Variants in P2RX4 observed in about 807,000 individuals in gnomAD.
P2RX4 encodes the protein P2X purinoceptor 4.
A neutral mutation model predicts 48.0 loss-of-function variants in P2RX4; 37 were observed. That is an observed-to-expected ratio of 0.77 (90% CI 0.59 to 1.01). P2RX4 has a LOEUF of 1.01. Ranked by LOEUF, P2RX4 falls within the 50% of genes least tolerant of loss-of-function variation. P2RX4 has a pLI of 0.00. For missense variants in P2RX4, 501 were observed against 521.4 expected, an observed-to-expected ratio of 0.96 and a Z score of 0.38; for synonymous variants, 200 against 199.7, an observed-to-expected ratio of 1.00 and a Z score of -0.01.
chr12:121,215,245 T>A (rs995953033), intron 1 of P2RX4: 1 of 152,156 alleles, frequency 6.6e-6, no homozygotes, highest in African/African-American at 2.4e-5. Flanking sequence ...ACATTTGACC[T>A]ACATTAATTC....
intron 1 of P2RX4, chr12:121,216,837 A>G (rs1886256975): frequency 3.1e-6 from 2 of 636,472 alleles, no homozygotes; most frequent in Non-Finnish European, 2.8e-6. Context: ...AAAAAAAGAG[A>G]AAATGCTCAA....
At chr12:121,233,358 G>C in intron 11 of P2RX4, 165 bp from the exon 12 acceptor site, 4 of 700,694 alleles carry the variant, frequency 5.7e-6, no homozygotes, top group Admixed American at 2.4e-5. Context: ...GAATGCCTGT[G>C]GGCACACACT....
At position 121,232,473 on chromosome 12, in the gene P2RX4, A is replaced by G. The variant is rs28360472; in HGVS notation, c.944A>G (p.Tyr315Cys). Residue 315 changes from tyrosine (Y) to cysteine (C), a missense_variant, in exon 9 of 12, where the codon TAT becomes TGT. Tyr to Cys is a radical substitution (Grantham distance 194). Around this residue, in one of 3 missense-constraint regions of P2RX4, gnomAD observed 197 missense variants for 219.5 expected, o/e 0.90. Transcript: ENST00000337233. The surrounding 1 kb of genome is among the most constrained non-coding windows in gnomAD (Gnocchi z 4.3). ...GAGCAGCGCACGCTCATCAAGGCCT[A>G]TGGCATCCGCTTCGACATCATTGTG... ...GNEQRTLIKA[Y>C]GIRFDIIVFG... The G allele has an allele frequency of 0.013, 20,618 of 1,614,052 alleles. 191 individuals are homozygous for G. Among genetic ancestry groups the G allele is most frequent in the Non-Finnish European group, 0.016 (18,820 of 1,179,932 alleles).
chr12:121,222,579 A>AT, intron 4 of P2RX4: 8 of 468,396 alleles, frequency 1.7e-5, no homozygotes, highest in Non-Finnish European at 2.1e-5. Flanking sequence ...CGCCCAGCTA[A>AT]TTTTTGTACT....
Position 121,232,230 on chromosome 12 carries a change from G to C in P2RX4, c.885-184G>C. The C allele has an allele frequency of 1.7e-6, 1 of 605,372 alleles. No homozygotes were observed. Among genetic ancestry groups the C allele is most frequent in the Non-Finnish European group, 2.9e-6 (1 of 340,072 alleles). 37.5% of individuals were successfully genotyped at this position (605,372 alleles called of 1,614,324 possible). A position where few individuals can be genotyped will look rare whatever the true frequency, so the allele number is the denominator to read the frequency against. On this transcript the variant is annotated intron_variant, in intron 8 of 11. Coordinates refer to ENST00000337233, the MANE Select transcript of P2RX4 (RefSeq NM_002560.3). This position sits in a 1 kb window ranked among gnomAD's most constrained non-coding sequence, Gnocchi z 4.3. The stretch of plus-strand genomic sequence containing the variant: ...AGGTCTCCCTGTGCCCCTGTACCTC[G>C]TGGGCCCCGCATCCTCCTGCTTGCA...
At chr12:121,223,199 C>T (rs1566005304) in intron 5 of P2RX4, 156 bp downstream of exon 5, 2 of 617,060 alleles carry the variant, frequency 3.2e-6, no homozygotes, top group East Asian at 2.8e-5. Flanking sequence ...CTCAGCCTCC[C>T]GAGTAGCTGA....
chr12:121,221,069 C>T (rs1886562683), intron 2 of P2RX4, among the ~76,000 whole-genome samples: 1 of 151,998 alleles, frequency 6.6e-6, no homozygotes, highest in African/African-American at 2.4e-5. Context: ...CTCCCAGGTT[C>T]CAGTGATTCT....
intron 4 of P2RX4, 116 bp from the exon 5 acceptor site, chr12:121,222,831 A>C (rs1388189638): frequency 6.8e-7 from 1 of 1,465,406 alleles, no homozygotes; most frequent in South Asian, 1.2e-5. Context: ...AGATTTGCAC[A>C]GCTCAAGACT....
rs542145911 is a variant in P2RX4 at position 121,228,731 on chromosome 12, T to C, written c.612T>C (p.Asn204=). The C allele has an allele frequency of 3.1e-6, 5 of 1,614,126 alleles. No individual in the cohort carries two copies. The Admixed American group carries it at 8.3e-5, about 27-fold the overall frequency. The part of the protein sequence containing the change: ...WYPKFNFSKR[N]ILPNITTTYL... ...TGCTTCCTCTCGACTTTAGGAGGAA[T>C]ATCCTTCCCAACATCACCACTACTT... Residue 204 remains asparagine, a synonymous_variant, in exon 7 of 12, where the codon AAT becomes AAC. Transcript: ENST00000337233.
At chr12:121,212,130 C>T (rs1299787921) in intron 1 of P2RX4, among the ~76,000 whole-genome samples, 1 of 152,156 alleles carries the variant, frequency 6.6e-6, no homozygotes, top group Non-Finnish European at 1.5e-5. Context: ...AGTAACAGAT[C>T]CCCCCGTCTT....
chr12:121,217,750 AC>A (rs1350771648), intron 2 of P2RX4, among the ~76,000 whole-genome samples: 2 of 148,112 alleles, frequency 1.4e-5, no homozygotes, highest in Non-Finnish European at 1.5e-5. Flanking sequence ...ATGTGGTGAA[AC>A]CCCATCTCTA....
intron 2 of P2RX4, among the ~76,000 whole-genome samples, chr12:121,220,860 A>G (rs537905181): frequency 3.2e-4 from 48 of 152,128 alleles, no homozygotes; most frequent in Non-Finnish European, 5.0e-4. Context: ...ACTGTTCTGG[A>G]AATTTCACAT....
chr12:121,226,946 C>G (rs977266156), intron 5 of P2RX4, among the ~76,000 whole-genome samples: 5 of 152,108 alleles, frequency 3.3e-5, no homozygotes, highest in Admixed American at 3.3e-4. Context: ...AACCCCATCT[C>G]TACTAAAAAT....
intron 8 of P2RX4, among the ~76,000 whole-genome samples, chr12:121,230,671 A>C (rs2668252): frequency 0.36 from 54,752 of 152,092 alleles, 10,159 homozygotes; most frequent in African/African-American, 0.4. Flanking sequence ...AACGGAAAGA[A>C]CTCAGGACGC....
rs1771131884 is a variant in P2RX4, at chr12:121,228,865, A to C, written c.746A>C (p.Glu249Ala). The part of the protein sequence containing the change: ...AGHSFQDMAV[E>A]GGIMGIQVNW... Reference sequence around the variant, plus strand: ...CACAGTTTCCAGGACATGGCCGTGGAGGTGGGTGCGGGCCCTGGCTCTCCT... The same window carrying C: ...CACAGTTTCCAGGACATGGCCGTGGCGGTGGGTGCGGGCCCTGGCTCTCCT... The change falls in exon 7 of 12, where the codon GAG (glutamate) becomes GCG (alanine). Residue 249 changes from glutamate (E) to alanine (A), a missense_variant and splice_region_variant. Transcript: ENST00000337233. 1 of 1,613,976 alleles carries C rather than the reference A, an allele frequency of 6.2e-7. No homozygotes were observed. Among genetic ancestry groups the C allele is most frequent in the African/African-American group, 1.3e-5 (1 of 74,874 alleles).
intron 5 of P2RX4, among the ~76,000 whole-genome samples, chr12:121,227,709 G>A (rs1285996261): frequency 1.3e-5 from 2 of 152,164 alleles, no homozygotes; most frequent in Non-Finnish European, 2.9e-5. Context: ...AGAAGAGTGT[G>A]CATGCAGAAG....
At chr12:121,230,524 C>T in intron 8 of P2RX4, among the ~76,000 whole-genome samples, 1 of 152,256 alleles carries the variant, frequency 6.6e-6, no homozygotes, top group East Asian at 1.9e-4. Flanking sequence ...GTGGGATCTG[C>T]TGTCCTTTTG....
chr12:121,222,055 G>T (rs28360469), intron 3 of P2RX4, 39 bp from the exon 4 acceptor site: 7 of 1,600,224 alleles, frequency 4.4e-6, no homozygotes, highest in Non-Finnish European at 5.1e-6. Flanking sequence ...GTGTGGGGCC[G>T]GGCCACGTGG....
chr12:121,219,456 C>T (rs569767642), intron 2 of P2RX4, among the ~76,000 whole-genome samples: 9 of 152,074 alleles, frequency 5.9e-5, no homozygotes, highest in East Asian at 5.8e-4. Flanking sequence ...CCCAGCCAGG[C>T]GCAGTGGCTT....
Sources: allele counts gnomAD v4.1 joint callset (sites outside exome capture counted in the v4.1 genomes callset), GRCh38; gene constraint gnomAD v4.1.1; regional missense constraint gnomAD v4.1.1; non-coding constraint Gnocchi (gnomAD v3.1); transcripts MANE v1.5; gene names NCBI Gene and HGNC (gene_info 2026-07-23, HGNC 2026-07-21).